PPHLN1: variants seen among roughly 807,000 people sequenced by gnomAD.
PPHLN1 encodes the protein periphilin 1.
In PPHLN1, 29 loss-of-function variants were observed where a neutral mutation model predicts 51.3. The ratio of observed to expected loss-of-function variants is 0.57; its 90% CI spans 0.42 to 0.77. The LOEUF is 0.77. Among genes scored for constraint, PPHLN1 ranks in the 30% least tolerant of loss-of-function variants. The pLI is 0.00. For synonymous variants in PPHLN1, 147 were observed against 147.8 expected (o/e 0.99, Z 0.04); for missense variants, 436 against 438.4 (o/e 0.99, Z 0.05).
chr12:42,414,403 A>T (rs1420689817), intron 9 of PPHLN1, among the ~76,000 whole-genome samples: 1 of 152,198 alleles, frequency 6.6e-6, no homozygotes, highest in Admixed American at 6.5e-5. Context: ...CCTTTTCATT[A>T]TATTGATTCT....
intron 1 of PPHLN1, among the ~76,000 whole-genome samples, chr12:42,329,443 T>A (rs2137637003): frequency 6.6e-6 from 1 of 152,320 alleles, no homozygotes; most frequent in Non-Finnish European, 1.5e-5. Context: ...CATTAGAATA[T>A]TAATTCACTC....
At chr12:42,446,500 G>A, downstream of PPHLN1, 1 of 1,491,466 alleles carries the variant, frequency 6.7e-7, no homozygotes, top group Non-Finnish European at 9.1e-7. Context: ...ATCTCTCCTA[G>A]AAAGACCCCC....
intron 9 of PPHLN1, among the ~76,000 whole-genome samples, chr12:42,424,319 A>T (rs139408466): frequency 1.3e-5 from 2 of 152,346 alleles, no homozygotes; most frequent in Non-Finnish European, 2.9e-5. Context: ...ATGTAACAGG[A>T]CAGAAACCAA....
At chr12:42,429,218 A>C (rs2081803755) in intron 9 of PPHLN1, among the ~76,000 whole-genome samples, 1 of 152,148 alleles carries the variant, frequency 6.6e-6, no homozygotes, top group Non-Finnish European at 1.5e-5. Flanking sequence ...TTGAATACAA[A>C]ATTACTTTTC....
intron 1 of PPHLN1, among the ~76,000 whole-genome samples, chr12:42,329,003 C>T (rs918029698): frequency 2.0e-5 from 3 of 152,122 alleles, no homozygotes; most frequent in African/African-American, 4.8e-5. Context: ...CATGAGCCAC[C>T]GCACCCAGCC....
rs573587854 is a variant in PPHLN1 at position 42,422,151 on chromosome 12, G to A, written c.910-19164G>A. 3.7e-4 allele frequency among the ~76,000 whole-genome samples: 57 copies of A among 152,254 alleles called. 1 individual carries two copies. In the South Asian group the frequency reaches 0.012, roughly 32 times the overall value. The stretch of plus-strand genomic sequence containing the variant: ...TTAAAAATACTACAATAATTTAGCA[G>A]TTAATTTTTACAAATGATTTAGTGT... On this transcript the variant is annotated intron_variant, in intron 9 of 9. Coordinates refer to ENST00000358314, the MANE Select transcript of PPHLN1 (RefSeq NM_201439.2).
downstream of PPHLN1, chr12:42,446,121 G>C (rs201876048): frequency 1.5e-4 from 231 of 1,563,020 alleles, 1 homozygote; most frequent in Middle Eastern, 1.7e-4. Context: ...AAACGGGTTC[G>C]TCGGACGACA....
chr12:42,441,256 C>T, intron 9 of PPHLN1, 59 bp from the exon 10 acceptor site: 1 of 1,507,044 alleles, frequency 6.6e-7, no homozygotes, highest in Non-Finnish European at 8.9e-7. Context: ...ACTCAGTTAG[C>T]TAAGTATTTG....
At chr12:42,431,273 A>G (rs2082013669) in intron 9 of PPHLN1, among the ~76,000 whole-genome samples, 1 of 152,250 alleles carries the variant, frequency 6.6e-6, no homozygotes, top group Non-Finnish European at 1.5e-5. Context: ...ATTTTATTCT[A>G]GTTTTCCTCA....
intron 9 of PPHLN1, among the ~76,000 whole-genome samples, chr12:42,402,304 T>A (rs1669902): frequency 2.0e-5 from 3 of 152,320 alleles, no homozygotes; most frequent in Non-Finnish European, 4.4e-5. Context: ...CTATGCCAGC[T>A]TTGTTATGTG....
intron 9 of PPHLN1, among the ~76,000 whole-genome samples, chr12:42,414,243 C>A (rs568813355): frequency 6.6e-6 from 1 of 152,168 alleles, no homozygotes; most frequent in East Asian, 1.9e-4. Flanking sequence ...CCACGTTGGC[C>A]AGGCTGGTCC....
intron 9 of PPHLN1, among the ~76,000 whole-genome samples, chr12:42,431,428 T>A (rs951214727): frequency 1.3e-5 from 2 of 151,958 alleles, no homozygotes; most frequent in African/African-American, 4.8e-5. Context: ...AGCCAGCAAC[T>A]TTTTTTTAAT....
chr12:42,335,860 A>G (rs189557507), intron 1 of PPHLN1, 23 bp from the exon 2 acceptor site: 9 of 1,426,302 alleles, frequency 6.3e-6, no homozygotes, highest in East Asian at 2.5e-5. Flanking sequence ...TATAAAATCC[A>G]TAATTCTTTT....
chr12:42,432,254 T>C (rs2082101763), intron 9 of PPHLN1: 5 of 773,614 alleles, frequency 6.5e-6, no homozygotes, highest in Non-Finnish European at 1.2e-5. Context: ...GGAGGTGTAA[T>C]TAGGGCCCTG....
chr12:42,400,798 TCACACACACACA>T (rs67724902), intron 9 of PPHLN1, among the ~76,000 whole-genome samples: 4 of 142,522 alleles, frequency 2.8e-5, no homozygotes, highest in Admixed American at 1.4e-4. Flanking sequence ...TCTCTCTCTT[TCACACACACACA>T]CACACACACA....
chr12:42,441,909 ATATGT>A lies in PPHLN1; in HGVS notation c.*403_*407del, dbSNP rs1211395559. On this transcript the variant is annotated 3_prime_UTR_variant, in exon 10 of 10. Coordinates refer to ENST00000358314, the MANE Select transcript of PPHLN1 (RefSeq NM_201439.2). ...TTTTTCTTAGGCTTTGTAACTTGTA[ATATGT>A]TAAAGTGTACTATCCTAATAAACTG... The A allele has an allele frequency of 2.0e-6, 2 of 981,436 alleles. No individual in the cohort carries two copies. The highest frequency in any genetic ancestry group is 3.5e-5 in the African/African-American group (2 of 57,180). The allele number at this position is 981,436 out of a possible 1,614,324, so 60.8% of individuals were successfully genotyped here.
downstream of PPHLN1, chr12:42,446,141 CG>C (rs1566062206): frequency 6.3e-7 from 1 of 1,586,022 alleles, no homozygotes; most frequent in South Asian, 1.1e-5. Flanking sequence ...ACAGCTTCGT[CG>C]GACGACAGGA....
At chr12:42,448,129 TG>T (rs1205148071), downstream of PPHLN1, 9 of 152,392 alleles carry the variant, frequency 5.9e-5, no homozygotes, top group African/African-American at 2.2e-4. Flanking sequence ...TTAGTCAAGA[TG>T]TCACAAGTTT....
At chr12:42,367,593 A>C (rs1341714618) in intron 4 of PPHLN1, among the ~76,000 whole-genome samples, 3 of 152,122 alleles carry the variant, frequency 2.0e-5, no homozygotes, top group Admixed American at 1.3e-4. Flanking sequence ...GTTATCTTAA[A>C]TATTAATATT....
Sources: gnomAD v4.1 joint callset for allele counts (sites outside exome capture counted in the v4.1 genomes callset) on GRCh38, gnomAD v4.1.1 for gene constraint, MANE v1.5 for transcripts, NCBI Gene and HGNC (gene_info 2026-07-23, HGNC 2026-07-21) for gene names.